Variants in FLYWCH1 observed in about 807,000 individuals in gnomAD.
FLYWCH1 encodes FLYWCH-type zinc finger-containing protein 1.
A neutral mutation model predicts 66.4 loss-of-function variants in FLYWCH1; 75 were observed. The ratio of observed to expected loss-of-function variants is 1.13; its 90% CI spans 0.94 to 1.37. The LOEUF (loss-of-function observed/expected upper bound fraction) is 1.37, where lower values mean the gene tolerates loss of function less well. FLYWCH1 is among the 40% of genes most tolerant of loss of function. The pLI is 0.00. For synonymous variants in FLYWCH1, 595 were observed against 429.9 expected, an observed-to-expected ratio of 1.38 and a Z score of -4.75; for missense variants, 1,334 against 1,001.8, an observed-to-expected ratio of 1.33 and a Z score of -4.48.
intron 9 of FLYWCH1, 51 bp downstream of exon 9, chr16:2,940,143 G>A (rs369930674): frequency 5.7e-6 from 5 of 881,760 alleles, no homozygotes; most frequent in Middle Eastern, 2.3e-4. Flanking sequence ...ACAAAACGTA[G>A]TGGGCTTAAA....
chr16:2,938,837 C>G (rs1298863945), intron 8 of FLYWCH1, among the ~76,000 whole-genome samples: 1 of 151,738 alleles, frequency 6.6e-6, no homozygotes, highest in Admixed American at 6.6e-5. Flanking sequence ...TGGTCTTGAT[C>G]TTCTGACCTC....
At chr16:2,935,164 C>T (rs563086253) in intron 6 of FLYWCH1, 1 of 152,808 alleles carries the variant, frequency 6.5e-6, no homozygotes, top group Non-Finnish European at 1.5e-5. Context: ...CTCAGGTGAT[C>T]TGCCTGCCTC....
At chr16:2,912,473 C>T (rs2070023408) in intron 1 of FLYWCH1, among the ~76,000 whole-genome samples, 1 of 152,232 alleles carries the variant, frequency 6.6e-6, no homozygotes, top group Non-Finnish European at 1.5e-5. Context: ...CCCACGGTTG[C>T]AGCTCGGGCG....
chr16:2,923,071 A>AT lies in FLYWCH1; in HGVS notation c.-73-6534dup, dbSNP rs965860363. ...GTGTGTGTGGCTGTTGTGCGGATCT[A>AT]TTTTTTTTATAGTTTGTTTTGTGTG... On this transcript the variant is annotated intron_variant, in intron 2 of 9. Coordinates refer to ENST00000253928, the MANE Select transcript of FLYWCH1 (RefSeq NM_001308068.2). 845 of 407,370 alleles carry AT rather than the reference A, an allele frequency of 2.1e-3. 1 individual carries two copies. The highest frequency in any genetic ancestry group is 3.5e-3 in the Non-Finnish European group (751 of 212,080). 25.2% of individuals were successfully genotyped at this position (407,370 alleles called of 1,614,324 possible). A position where few individuals can be genotyped will look rare whatever the true frequency, so the allele number is the denominator to read the frequency against.
At chr16:2,934,938 C>CT (rs2070936095) in intron 6 of FLYWCH1, 7 of 90,600 alleles carry the variant, frequency 7.7e-5, no homozygotes, top group Non-Finnish European at 1.5e-4. Context: ...TTTTTTTTTT[C>CT]TTTGAGACGG....
intron 8 of FLYWCH1, among the ~76,000 whole-genome samples, chr16:2,938,848 G>C (rs545053131): frequency 6.6e-6 from 1 of 151,246 alleles, no homozygotes; most frequent in Non-Finnish European, 1.5e-5. Context: ...TTCTGACCTC[G>C]TGATCCGCCT....
rs201548170 is a variant in FLYWCH1, at chr16:2,929,873, A to T, written c.188A>T (p.His63Leu). ...DGVGSKPQEV[H>L]CVLSLEMAGP... The stretch of plus-strand genomic sequence containing the variant: ...GTGGGATCCAAGCCCCAGGAAGTGC[A>T]CTGCGTCCTGTCCCTGGAGATGGCT... The change falls in exon 3 of 10, where the codon CAC becomes CTC. Residue 63 changes from histidine to leucine, a missense_variant. Physicochemically the swap from His to Leu is moderately conservative, Grantham distance 99. Coordinates refer to ENST00000253928, the MANE Select transcript of FLYWCH1 (RefSeq NM_001308068.2). 122 of 1,613,900 alleles carry T rather than the reference A, an allele frequency of 7.6e-5. No individual in the cohort carries two copies. The African/African-American group carries it at 1.5e-3, about 20-fold the overall frequency.
At chr16:2,922,581 C>T in intron 2 of FLYWCH1, 1 of 323,942 alleles carries the variant, frequency 3.1e-6, no homozygotes, top group South Asian at 2.6e-5. Context: ...CCCCTTGTGC[C>T]TGGCATGTCG....
At chr16:2,945,097 C>T (rs904965743) in intron 9 of FLYWCH1, among the ~76,000 whole-genome samples, 1 of 152,052 alleles carries the variant, frequency 6.6e-6, no homozygotes. Context: ...CACCTGTAAT[C>T]CCAGCACTTT....
rs148808449 is a variant in FLYWCH1, at chr16:2,936,932, A to G, written c.1514-189A>G. On this transcript the variant is annotated intron_variant, in intron 6 of 9. Coordinates refer to ENST00000253928, the MANE Select transcript of FLYWCH1 (RefSeq NM_001308068.2). ...CCTCACCTGACCAGTCCCCAGCCTC[A>G]GGAGGCGGACCCCAGCAGCTGGAGC... 11 of 763,228 alleles carry G rather than the reference A, an allele frequency of 1.4e-5. No individual in the cohort carries two copies. In the East Asian group the frequency reaches 3.0e-4, roughly 21 times the overall value. The allele number at this position is 763,228 out of a possible 1,614,324, so 47.3% of individuals were successfully genotyped here.
At chr16:2,948,081 A>G (rs1014648528) in intron 9 of FLYWCH1, among the ~76,000 whole-genome samples, 2 of 152,022 alleles carry the variant, frequency 1.3e-5, no homozygotes, top group African/African-American at 4.8e-5. Flanking sequence ...GTGTTTCTTG[A>G]TGAAGAACCT....
chr16:2,913,173 A>G (rs1405049918), intron 1 of FLYWCH1: 1 of 152,160 alleles, frequency 6.6e-6, no homozygotes, highest in Non-Finnish European at 1.5e-5. Context: ...TCAGCACCCT[A>G]TGTGGAGAAT....
chr16:2,924,408 A>G lies in FLYWCH1; in HGVS notation c.-73-5205A>G, dbSNP rs560110707. Among the ~76,000 whole-genome samples the G allele has an allele frequency of 2.6e-5, 4 of 151,938 alleles. No individual in the cohort carries two copies. The South Asian group carries it at 8.3e-4, about 32-fold the overall frequency. ...AAGCATATCAGCTATTGTGTAGCAT[A>G]CGACCCATGATCTTACTGGCTTGAA... On this transcript the variant is annotated intron_variant, in intron 2 of 9. Coordinates refer to ENST00000253928, the MANE Select transcript of FLYWCH1 (RefSeq NM_001308068.2).
intron 9 of FLYWCH1, among the ~76,000 whole-genome samples, chr16:2,946,793 C>A (rs182555578): frequency 2.0e-5 from 3 of 152,224 alleles, no homozygotes; most frequent in Admixed American, 2.0e-4. Context: ...AAATCAAGAC[C>A]ACTGTGACAG....
At chr16:2,931,460 C>CA (rs1263930855) in intron 4 of FLYWCH1, among the ~76,000 whole-genome samples, 1 of 151,538 alleles carries the variant, frequency 6.6e-6, no homozygotes, top group Non-Finnish European at 1.5e-5. Flanking sequence ...CCCATATCTA[C>CA]AAAAAATCAG....
At chr16:2,941,145 C>T (rs1348191534) in intron 9 of FLYWCH1, among the ~76,000 whole-genome samples, 2 of 152,092 alleles carry the variant, frequency 1.3e-5, no homozygotes, top group African/African-American at 4.8e-5. Context: ...AATTAAAGAA[C>T]ACACTTATAA....
At position 2,929,793 on chromosome 16, in the gene FLYWCH1, C is replaced by T; in HGVS notation, c.108C>T (p.Pro36=). Residue 36 remains proline (P), a synonymous_variant, in exon 3 of 10, where the codon CCC becomes CCT. Transcript: ENST00000253928. The stretch of plus-strand genomic sequence containing the variant: ...TCATCCCGGCAGCCCCCAGGAAGCC[C>T]AGGGAGTTCTCCAAACTGGTGCTGC... The part of the protein sequence containing the change: ...TDVIPAAPRK[P]REFSKLVLLT... The T allele has an allele frequency of 6.2e-7, 1 of 1,613,942 alleles. No homozygotes were observed. Among genetic ancestry groups the T allele is most frequent in the Non-Finnish European group, 8.5e-7 (1 of 1,179,886 alleles).
At chr16:2,941,147 C>CT (rs774079559) in intron 9 of FLYWCH1, among the ~76,000 whole-genome samples, 4 of 152,088 alleles carry the variant, frequency 2.6e-5, no homozygotes, top group Admixed American at 6.5e-5. Flanking sequence ...TTAAAGAACA[C>CT]ACTTATAAGA....
At chr16:2,946,634 C>T (rs573880476) in intron 9 of FLYWCH1, among the ~76,000 whole-genome samples, 1 of 151,946 alleles carries the variant, frequency 6.6e-6, no homozygotes, top group South Asian at 2.1e-4. Flanking sequence ...AGAATTCTTA[C>T]AACAATGAAA....
Sources: allele counts gnomAD v4.1 joint callset (sites outside exome capture counted in the v4.1 genomes callset), GRCh38; gene constraint gnomAD v4.1.1; transcripts MANE v1.5; gene names NCBI Gene and HGNC (gene_info 2026-07-23, HGNC 2026-07-21).